The following NF1 variants were observed in gnomAD, a reference collection of about 807,000 sequenced individuals.
NF1 encodes neurofibromin 1, also known as neurofibromin.
A neutral mutation model predicts 325.7 loss-of-function variants in NF1; 122 were observed. That is an observed-to-expected ratio of 0.37 (90% CI 0.32 to 0.44). The LOEUF (loss-of-function observed/expected upper bound fraction) is 0.44, where lower values mean the gene tolerates loss of function less well. Ranked by LOEUF, NF1 falls within the 20% of genes least tolerant of loss-of-function variation. NF1 has a pLI of 1.00. For missense variants in NF1, 2,140 were observed against 3,415.4 expected (o/e 0.63, Z 9.31); for synonymous variants, 1,091 against 1,186.0 (o/e 0.92, Z 1.65).
At chr17:31,320,514 C>G in intron 36 of NF1, 2 of 1,212,026 alleles carry the variant, frequency 1.7e-6, no homozygotes, top group South Asian at 2.6e-5. Context: ...CATTTGTATA[C>G]TATTAAAATA....
intron 29 of NF1, among the ~76,000 whole-genome samples, chr17:31,247,193 C>CAAAAAAA (rs10564306): frequency 1.1e-5 from 1 of 94,442 alleles, no homozygotes; most frequent in Non-Finnish European, 2.4e-5. Flanking sequence ...GACTCCATCT[C>CAAAAAAA]AAAAAAAAAA....
chr17:31,106,460 A>G (rs1268650541), intron 1 of NF1, among the ~76,000 whole-genome samples: 1 of 152,220 alleles, frequency 6.6e-6, no homozygotes, highest in Non-Finnish European at 1.5e-5. Flanking sequence ...ATGATTATAT[A>G]ATTAACTGAG....
chr17:31,313,431 C>T (rs938854102), intron 36 of NF1, among the ~76,000 whole-genome samples: 4 of 151,952 alleles, frequency 2.6e-5, no homozygotes, highest in African/African-American at 7.3e-5. Flanking sequence ...TGGCTGGGAG[C>T]GGTGGCTCAC....
intron 5 of NF1, among the ~76,000 whole-genome samples, chr17:31,176,107 C>T (rs1443462368): frequency 6.6e-6 from 1 of 152,170 alleles, no homozygotes; most frequent in South Asian, 2.1e-4. Flanking sequence ...CACTGTCTTC[C>T]ACAATGGTTG....
At position 31,270,002 on chromosome 17, in the gene NF1, C is replaced by G. The variant is rs541823743; in HGVS notation, c.4835+4663C>G. 4.6e-5 allele frequency among the ~76,000 whole-genome samples: 7 copies of G among 152,266 alleles called. No individual in the cohort carries two copies. The East Asian group carries it at 1.4e-3, about 29-fold the overall frequency. On this transcript the variant is annotated intron_variant, in intron 36 of 57. Coordinates refer to ENST00000358273, the MANE Select transcript of NF1 (RefSeq NM_001042492.3). Reference sequence around the variant, plus strand: ...ACAAAGGAAAATTGAATTGCTGTTACTAGAATGAGGCAAAATGGATACTGG... The same window carrying G: ...ACAAAGGAAAATTGAATTGCTGTTAGTAGAATGAGGCAAAATGGATACTGG...
chr17:31,295,564 G>A, intron 36 of NF1: 1 of 1,614,036 alleles, frequency 6.2e-7, no homozygotes, highest in Non-Finnish European at 8.5e-7. Flanking sequence ...ATGATATTTG[G>A]GTAGAACATG....
chr17:31,217,890 A>G (rs928241756), intron 13 of NF1, among the ~76,000 whole-genome samples: 2 of 149,010 alleles, frequency 1.3e-5, no homozygotes, highest in Non-Finnish European at 3.0e-5. Context: ...GGTTGAACCC[A>G]GGAGGCAGAG....
chr17:31,150,094 C>T (rs972495128), intron 1 of NF1, among the ~76,000 whole-genome samples: 4 of 152,102 alleles, frequency 2.6e-5, no homozygotes, highest in Admixed American at 2.6e-4. Context: ...TCGAGTATCC[C>T]GTATCTGAAA....
intron 11 of NF1, among the ~76,000 whole-genome samples, chr17:31,205,039 C>G (rs1192802008): frequency 6.6e-6 from 1 of 152,034 alleles, no homozygotes; most frequent in African/African-American, 2.4e-5. Context: ...TTCTTCCCTC[C>G]CAGTTTTGGG....
intron 1 of NF1, among the ~76,000 whole-genome samples, chr17:31,142,738 G>A (rs1916315014): frequency 6.6e-6 from 1 of 151,984 alleles, no homozygotes; most frequent in African/African-American, 2.4e-5. Flanking sequence ...GTGGTGGCAG[G>A]CGCCTGTAGT....
intron 1 of NF1, among the ~76,000 whole-genome samples, chr17:31,155,695 T>TA (rs1248321479): frequency 3.9e-5 from 6 of 152,224 alleles, no homozygotes; most frequent in African/African-American, 1.4e-4. Context: ...ATTTTGTAGA[T>TA]AGAGATTTAT....
intron 36 of NF1, among the ~76,000 whole-genome samples, chr17:31,321,253 C>T (rs988489982): frequency 6.6e-6 from 1 of 152,086 alleles, no homozygotes; most frequent in African/African-American, 2.4e-5. Flanking sequence ...TTCCAGTTTA[C>T]TTGAGGAAAC....
Position 31,250,300 on chromosome 17 carries a change from A to G in NF1, c.4110+1181A>G, listed in dbSNP as rs972673589. The G allele has an allele frequency of 9.3e-5, 22 of 235,538 alleles. No individual in the cohort carries two copies. In the East Asian group the frequency reaches 1.5e-3, roughly 16 times the overall value. 14.6% of individuals were successfully genotyped at this position (235,538 alleles called of 1,614,324 possible). A position where few individuals can be genotyped will look rare whatever the true frequency, so the allele number is the denominator to read the frequency against. ...TAATATGAAACTTAATACAGTGAAT[A>G]TCTTCTCAAGTTTGGGCTGTATTCA... On this transcript the variant is annotated intron_variant, in intron 30 of 57. Coordinates refer to ENST00000358273, the MANE Select transcript of NF1 (RefSeq NM_001042492.3).
intron 39 of NF1, chr17:31,331,468 T>A (rs1260192916): frequency 6.6e-6 from 1 of 152,090 alleles, no homozygotes; most frequent in East Asian, 1.9e-4. Context: ...CAATAATAGC[T>A]AAGAAAATAT....
chr17:31,132,706 G>T (rs777695401), intron 1 of NF1, among the ~76,000 whole-genome samples: 1 of 151,788 alleles, frequency 6.6e-6, no homozygotes, highest in African/African-American at 2.4e-5. Flanking sequence ...CACTGTTGTT[G>T]CCCAGGCTGG....
At chr17:31,246,499 A>G (rs1008298952) in intron 29 of NF1, among the ~76,000 whole-genome samples, 15 of 152,228 alleles carry the variant, frequency 9.9e-5, no homozygotes, top group African/African-American at 3.1e-4. Flanking sequence ...TTAAAAACAA[A>G]TATTTACTCA....
chr17:31,195,186 G>C (rs1048649876), intron 8 of NF1, among the ~76,000 whole-genome samples: 7 of 152,134 alleles, frequency 4.6e-5, no homozygotes, highest in African/African-American at 1.2e-4. Flanking sequence ...AGGGAATTCA[G>C]TGGAAAAGTA....
chr17:31,185,718 A>G (rs2066226119), intron 8 of NF1, among the ~76,000 whole-genome samples: 1 of 152,174 alleles, frequency 6.6e-6, no homozygotes, highest in African/African-American at 2.4e-5. Flanking sequence ...AAGAACTGCC[A>G]GTTTTGAGTG....
At chr17:31,298,953 T>C (rs900761402) in intron 36 of NF1, among the ~76,000 whole-genome samples, 24 of 152,070 alleles carry the variant, frequency 1.6e-4, no homozygotes, top group African/African-American at 5.8e-4. Flanking sequence ...TACTTTTGTT[T>C]GAAAGAAAAG....
Sources: gnomAD v4.1 joint callset for allele counts (sites outside exome capture counted in the v4.1 genomes callset) on GRCh38, gnomAD v4.1.1 for gene constraint, MANE v1.5 for transcripts, NCBI Gene and HGNC (gene_info 2026-07-23, HGNC 2026-07-21) for gene names.